Variants in WTAP observed in about 807,000 individuals in gnomAD.
WTAP encodes WT1 associated protein, also known as pre-mRNA-splicing regulator WTAP.
In WTAP, 8 loss-of-function variants were observed where a neutral mutation model predicts 50.0. The ratio of observed to expected loss-of-function variants is 0.16; its 90% CI spans 0.09 to 0.29. WTAP has a LOEUF of 0.29. WTAP is among the 10% of genes least tolerant of loss of function. The pLI is 1.00. For missense variants in WTAP, 295 were observed against 470.7 expected, an observed-to-expected ratio of 0.63 and a Z score of 3.45; for synonymous variants, 194 against 169.0, an observed-to-expected ratio of 1.15 and a Z score of -1.15.
chr6:159,755,007 G>A (rs185582589), intron 7 of WTAP, 21 bp from the exon 8 acceptor site: 120 of 1,573,770 alleles, frequency 7.6e-5, no homozygotes, highest in African/African-American at 7.1e-4. Context: ...ATTAAAGTTG[G>A]TCTGACTCTC....
intron 2 of WTAP, among the ~76,000 whole-genome samples, chr6:159,737,948 A>G (rs762606084): frequency 2.6e-5 from 4 of 151,446 alleles, no homozygotes; most frequent in Admixed American, 1.3e-4. Flanking sequence ...AGTTGCAAAT[A>G]AATGTACAGA....
At chr6:159,731,672 A>G (rs951650910) in intron 1 of WTAP, among the ~76,000 whole-genome samples, 2 of 152,154 alleles carry the variant, frequency 1.3e-5, no homozygotes, top group Admixed American at 6.5e-5. Flanking sequence ...TATTAATTAA[A>G]TGCCCATTTT....
chr6:159,727,742 C>T (rs956412406), intron 1 of WTAP, 39 bp downstream of exon 1: 6 of 981,250 alleles, frequency 6.1e-6, no homozygotes, highest in Middle Eastern at 5.2e-4. Flanking sequence ...ACGCGGGGGA[C>T]CTCCGGGGCC....
chr6:159,748,879 A>G lies in WTAP; in HGVS notation c.452+510A>G, dbSNP rs527705015. ...GAGACACTGTGTATCAGTTTTGCCAATAAGACTGTGGACTTCATGATTGTT... is the reference window on the plus strand; with the variant it reads ...GAGACACTGTGTATCAGTTTTGCCAGTAAGACTGTGGACTTCATGATTGTT... On this transcript the variant is annotated intron_variant, in intron 6 of 7. Coordinates refer to ENST00000621533, the MANE Select transcript of WTAP (RefSeq NM_001270531.2). The surrounding 1 kb of genome is among the most constrained non-coding windows in gnomAD (Gnocchi z 5.6). 9.2e-5 allele frequency: 110 copies of G among 1,199,464 alleles called. No homozygotes were observed. Among genetic ancestry groups the G allele is most frequent in the Middle Eastern group, 3.3e-4 (1 of 3,048 alleles). The allele number at this position is 1,199,464 out of a possible 1,614,324, so 74.3% of individuals were successfully genotyped here. A position where few individuals can be genotyped will look rare whatever the true frequency, so the allele number is the denominator to read the frequency against.
intron 2 of WTAP, among the ~76,000 whole-genome samples, chr6:159,737,517 A>T (rs1778993617): frequency 6.6e-6 from 1 of 152,112 alleles, no homozygotes; most frequent in Non-Finnish European, 1.5e-5. Context: ...TTTCTGAGAC[A>T]GAGTCTCACT....
chr6:159,754,831 T>C (rs1346382876), intron 7 of WTAP, among the ~76,000 whole-genome samples, 197 bp from the exon 8 acceptor site: 1 of 152,210 alleles, frequency 6.6e-6, no homozygotes, highest in African/African-American at 2.4e-5. Context: ...TATATTATTT[T>C]AAGTATCTGA....
At chr6:159,751,262 T>G (rs1484208027) in intron 6 of WTAP, among the ~76,000 whole-genome samples, 1 of 152,252 alleles carries the variant, frequency 6.6e-6, no homozygotes, top group Non-Finnish European at 1.5e-5. Flanking sequence ...GGTATGACTT[T>G]TTAAACGAAA....
At chr6:159,740,498 T>C (rs1034261078) in intron 3 of WTAP, among the ~76,000 whole-genome samples, 1 of 152,122 alleles carries the variant, frequency 6.6e-6, no homozygotes, top group Non-Finnish European at 1.5e-5. Context: ...TGCTTCAGTT[T>C]TTATATTTTT....
At position 159,748,085 on chromosome 6, in the gene WTAP, GC is replaced by G; in HGVS notation, c.274-105del. ...AATTTCAGGATCAAAGAGGGGAGGA[GC>G]TTAATGAAAGAGTTGGTAAATCAAG... On this transcript the variant is annotated intron_variant, in intron 5 of 7. Coordinates refer to ENST00000621533, the MANE Select transcript of WTAP (RefSeq NM_001270531.2). The surrounding 1 kb of genome is among the most constrained non-coding windows in gnomAD (Gnocchi z 5.6). 7.4e-7 allele frequency: 1 copy of G among 1,358,562 alleles called. No individual in the cohort carries two copies. Among genetic ancestry groups the G allele is most frequent in the East Asian group, 2.4e-5 (1 of 41,248 alleles). The allele number at this position is 1,358,562 out of a possible 1,614,324, so 84.2% of individuals were successfully genotyped here.
chr6:159,727,859 CG>C (rs749055773), intron 1 of WTAP, among the ~76,000 whole-genome samples, 156 bp downstream of exon 1: 98 of 152,228 alleles, frequency 6.4e-4, no homozygotes, highest in Non-Finnish European at 1.2e-3. Context: ...TCTACCTTCC[CG>C]CCTGCGGGGA....
intron 3 of WTAP, 78 bp downstream of exon 3, chr6:159,739,123 G>T: frequency 4.2e-6 from 5 of 1,183,884 alleles, no homozygotes; most frequent in Admixed American, 2.2e-5. Flanking sequence ...TTGTCTTTGT[G>T]CCAGATATTG....
chr6:159,727,070 G>A, upstream of WTAP: 1 of 1,205,856 alleles, frequency 8.3e-7, no homozygotes, highest in Non-Finnish European at 1.1e-6. Context: ...TTCCCGTGAT[G>A]CCCTGGGGCT....
At chr6:159,752,062 C>CA (rs60854821) in intron 6 of WTAP, among the ~76,000 whole-genome samples, 3,897 of 94,886 alleles carry the variant, frequency 0.041, 57 homozygotes, top group Non-Finnish European at 0.053. Context: ...ACCCCCATCT[C>CA]AAAAAAAAAA....
Position 159,755,857 on chromosome 6 carries a change from T to C in WTAP, c.*246T>C. 1.7e-6 allele frequency: 1 copy of C among 574,328 alleles called. No individual in the cohort carries two copies. Among genetic ancestry groups the C allele is most frequent in the South Asian group, 4.9e-5 (1 of 20,338 alleles). The allele number at this position is 574,328 out of a possible 1,614,324, so 35.6% of individuals were successfully genotyped here. A position where few individuals can be genotyped will look rare whatever the true frequency, so the allele number is the denominator to read the frequency against. On this transcript the variant is annotated 3_prime_UTR_variant, in exon 8 of 8. Transcript: ENST00000621533. The stretch of plus-strand genomic sequence containing the variant: ...TACTTTGAATGTTGCTAAAAGGACA[T>C]TTTGTGTAGGGTCAAGTTATTTTTA...
chr6:159,736,467 A>G (rs1778924291), intron 2 of WTAP, 172 bp downstream of exon 2: 1 of 534,580 alleles, frequency 1.9e-6, no homozygotes, highest in East Asian at 2.9e-5. Flanking sequence ...CAGATATTGT[A>G]TCTTATATCC....
intron 1 of WTAP, among the ~76,000 whole-genome samples, chr6:159,731,567 G>A (rs1216792747): frequency 3.3e-5 from 5 of 152,134 alleles, no homozygotes; most frequent in African/African-American, 1.2e-4. Flanking sequence ...AGAAACAGTC[G>A]GGAGGACAGT....
At chr6:159,752,657 T>G (rs972150202) in intron 6 of WTAP, among the ~76,000 whole-genome samples, 1 of 151,266 alleles carries the variant, frequency 6.6e-6, no homozygotes, top group Non-Finnish European at 1.5e-5. Flanking sequence ...GTCTTAAGTC[T>G]TTAAAAAAAA....
chr6:159,754,361 C>T (rs1779928375), intron 7 of WTAP, among the ~76,000 whole-genome samples: 1 of 152,166 alleles, frequency 6.6e-6, no homozygotes, highest in Non-Finnish European at 1.5e-5. Context: ...GAGGACCACA[C>T]TATCCTTAAG....
intron 4 of WTAP, 80 bp from the exon 5 acceptor site, chr6:159,743,585 C>G (rs1049580284): frequency 3.7e-6 from 5 of 1,342,368 alleles, no homozygotes; most frequent in African/African-American, 3.0e-5. Context: ...ATTTTTTGAC[C>G]CTAGTTCTTA....
Sources: allele counts gnomAD v4.1 joint callset (sites outside exome capture counted in the v4.1 genomes callset), GRCh38; gene constraint gnomAD v4.1.1; non-coding constraint Gnocchi (gnomAD v3.1); transcripts MANE v1.5; gene names NCBI Gene and HGNC (gene_info 2026-07-23, HGNC 2026-07-21).